The following TRAPPC9 variants were observed in gnomAD, a reference collection of about 807,000 sequenced individuals.
TRAPPC9 encodes the protein IKK2 binding protein.
TRAPPC9 carries 83 observed loss-of-function variants against 124.0 expected under a neutral mutation model. That is an observed-to-expected ratio of 0.67 (90% CI 0.56 to 0.80). The LOEUF (loss-of-function observed/expected upper bound fraction) is 0.80, where lower values mean the gene tolerates loss of function less well. Ranked by LOEUF, TRAPPC9 falls within the 30% of genes least tolerant of loss-of-function variation. The pLI is 0.00. For missense variants in TRAPPC9, 1,302 were observed against 1,508.3 expected (o/e 0.86, Z 2.27); for synonymous variants, 638 against 617.5 (o/e 1.03, Z -0.49).
In TRAPPC9 at chr8:140,216,079, C is replaced by T. The variant is rs1216077391; in HGVS notation, c.2556+5380G>A. The T allele has an allele frequency of 1.3e-5, 2 of 152,200 alleles. No individual in the cohort carries two copies. Among genetic ancestry groups the T allele is most frequent in the Non-Finnish European group, 2.9e-5 (2 of 68,056 alleles). The allele number at this position is 152,200 out of a possible 1,614,324, so 9.4% of individuals were successfully genotyped here. On this transcript the variant is annotated intron_variant, in intron 17 of 22. Coordinates refer to ENST00000438773, the MANE Select transcript of TRAPPC9 (RefSeq NM_001160372.4). The surrounding 1 kb of genome is among the most constrained non-coding windows in gnomAD (Gnocchi z 4.1). ...GCTGTAGTGAAAGAAGAAGGTGTCA[C>T]AGTGTAACTGACAGAGACCAAAGTG...
At chr8:140,177,527 T>C (rs1024105467) in intron 17 of TRAPPC9, among the ~76,000 whole-genome samples, 5 of 152,148 alleles carry the variant, frequency 3.3e-5, no homozygotes, top group Admixed American at 6.5e-5. Flanking sequence ...TATGCCAATA[T>C]CACACTGTGT....
intron 21 of TRAPPC9, among the ~76,000 whole-genome samples, chr8:139,740,262 G>A (rs987422725): frequency 6.6e-6 from 1 of 152,214 alleles, no homozygotes; most frequent in Non-Finnish European, 1.5e-5. Context: ...CAGAGTTACG[G>A]ACATAATTGT....
At chr8:139,989,299 T>C (rs1363914957) in intron 18 of TRAPPC9, among the ~76,000 whole-genome samples, 2 of 103,752 alleles carry the variant, frequency 1.9e-5, no homozygotes, top group African/African-American at 5.2e-5. Flanking sequence ...TGGTGACGCA[T>C]GTCCTGCTTG....
In TRAPPC9 at chr8:139,803,008, G is replaced by T. The variant is rs111206289; in HGVS notation, c.3056-70806C>A. Among the ~76,000 whole-genome samples, 369 of 152,106 alleles carry T rather than the reference G, an allele frequency of 2.4e-3. 2 individuals are homozygous for T. The highest frequency in any genetic ancestry group is 8.1e-3 in the African/African-American group (337 of 41,464). On this transcript the variant is annotated intron_variant, in intron 21 of 22. Transcript: ENST00000438773. ...CGTGTTATGTATGTCAGTGTATGTT[G>T]TGTGTGCATCCGTAGATGAACGTGT... is the stretch of plus-strand genomic sequence containing the variant.
chr8:139,889,958 C>T (rs1045658769), intron 20 of TRAPPC9, among the ~76,000 whole-genome samples: 6 of 152,212 alleles, frequency 3.9e-5, no homozygotes, highest in Non-Finnish European at 7.3e-5. Context: ...ATGAGGGGTG[C>T]TCCTTCTAGG....
At chr8:140,418,775 C>CAGAT (rs56084320) in intron 5 of TRAPPC9, among the ~76,000 whole-genome samples, 1 of 123,774 alleles carries the variant, frequency 8.1e-6, no homozygotes, top group Non-Finnish European at 1.8e-5. Context: ...GATAGATAGA[C>CAGAT]AGACAGACAG....
At chr8:140,247,128 C>T (rs887394799) in intron 16 of TRAPPC9, among the ~76,000 whole-genome samples, 1 of 152,208 alleles carries the variant, frequency 6.6e-6, no homozygotes, top group Admixed American at 6.5e-5. Context: ...ATACAAGCAA[C>T]GATATGTTTA....
At chr8:140,034,099 T>C (rs1398212903) in intron 17 of TRAPPC9, among the ~76,000 whole-genome samples, 1 of 152,218 alleles carries the variant, frequency 6.6e-6, no homozygotes, top group Non-Finnish European at 1.5e-5. Flanking sequence ...TCATCAACTT[T>C]ACTAATATTT....
At chr8:140,254,061 C>T (rs1030095014) in intron 15 of TRAPPC9, among the ~76,000 whole-genome samples, 2 of 152,112 alleles carry the variant, frequency 1.3e-5, no homozygotes, top group African/African-American at 2.4e-5. Flanking sequence ...TGCTGGTGCC[C>T]GCTGAAGTAG....
intron 17 of TRAPPC9, among the ~76,000 whole-genome samples, chr8:140,128,705 G>A (rs969078795): frequency 9.2e-5 from 14 of 152,138 alleles, no homozygotes; most frequent in African/African-American, 2.4e-4. Flanking sequence ...GCATGATTTC[G>A]CCAGTAAATG....
chr8:139,885,322 C>T (rs566969202), intron 21 of TRAPPC9, among the ~76,000 whole-genome samples: 1 of 152,284 alleles, frequency 6.6e-6, no homozygotes, highest in Non-Finnish European at 1.5e-5. Context: ...GCTAAGTGTC[C>T]AGTAATGGCG....
intron 11 of TRAPPC9, among the ~76,000 whole-genome samples, chr8:140,298,823 C>A (rs1483304111): frequency 6.6e-6 from 1 of 152,196 alleles, no homozygotes; most frequent in Admixed American, 6.5e-5. Context: ...TCAACAAAAT[C>A]TATAAAATGG....
intron 19 of TRAPPC9, among the ~76,000 whole-genome samples, chr8:139,936,512 G>A (rs989948409): frequency 1.3e-5 from 2 of 152,210 alleles, no homozygotes; most frequent in Non-Finnish European, 1.5e-5. Flanking sequence ...GAAGTCACTC[G>A]GCTTAGAGCC....
At chr8:140,446,711 C>T (rs1287731655) in intron 2 of TRAPPC9, among the ~76,000 whole-genome samples, 4 of 152,260 alleles carry the variant, frequency 2.6e-5, no homozygotes, top group Non-Finnish European at 4.4e-5. Context: ...CATGACACCA[C>T]GCCCGGCTAA....
intron 17 of TRAPPC9, among the ~76,000 whole-genome samples, chr8:140,124,917 C>A (rs1319324953): frequency 3.3e-5 from 5 of 152,290 alleles, no homozygotes; most frequent in East Asian, 1.9e-4. Flanking sequence ...AAAAAGAAGA[C>A]CTTTGGGTTT....
intron 19 of TRAPPC9, among the ~76,000 whole-genome samples, chr8:139,920,527 G>A (rs1659143828): frequency 6.6e-6 from 1 of 152,228 alleles, no homozygotes; most frequent in South Asian, 2.1e-4. Context: ...CACAGTGGCA[G>A]CCAGGAGCCA....
chr8:140,452,120 C>CAAAAA (rs534391613), intron 1 of TRAPPC9, among the ~76,000 whole-genome samples: 2 of 83,926 alleles, frequency 2.4e-5, no homozygotes, highest in Admixed American at 1.4e-4. Flanking sequence ...GACTCCGTCT[C>CAAAAA]AAAAAAAAAA....
intron 17 of TRAPPC9, among the ~76,000 whole-genome samples, chr8:140,036,423 G>T (rs181506857): frequency 6.6e-6 from 1 of 152,182 alleles, no homozygotes; most frequent in East Asian, 1.9e-4. Flanking sequence ...GCTGACCGAC[G>T]GTACGCTGAG....
intron 17 of TRAPPC9, among the ~76,000 whole-genome samples, chr8:140,211,442 C>A (rs2063059479): frequency 2.0e-5 from 3 of 152,022 alleles, no homozygotes; most frequent in Admixed American, 2.0e-4. Context: ...ACCTGTAGTC[C>A]CAGCTACTTG....
Sources: gnomAD v4.1 joint callset for allele counts (sites outside exome capture counted in the v4.1 genomes callset) on GRCh38, gnomAD v4.1.1 for gene constraint, Gnocchi (gnomAD v3.1) non-coding constraint, MANE v1.5 for transcripts, NCBI Gene and HGNC (gene_info 2026-07-23, HGNC 2026-07-21) for gene names.